The following CEP350 variants were observed in gnomAD, a reference collection of about 807,000 sequenced individuals.
The protein encoded by CEP350 is centrosomal protein 350.
A neutral mutation model predicts 331.8 loss-of-function variants in CEP350; 126 were observed. The ratio of observed to expected loss-of-function variants is 0.38; its 90% confidence interval spans 0.33 to 0.44. CEP350 has a LOEUF of 0.44. CEP350 is among the 20% of genes least tolerant of loss of function. The pLI is 1.00. For synonymous variants in CEP350, 1,200 were observed against 1,259.5 expected (o/e 0.95, Z 1.00); for missense variants, 3,406 against 3,634.6 (o/e 0.94, Z 1.62).
intron 4 of CEP350, 71 bp from the exon 5 acceptor site, chr1:179,991,991 A>T: frequency 7.1e-6 from 10 of 1,402,318 alleles, no homozygotes; most frequent in Non-Finnish European, 9.3e-6. Flanking sequence ...TTTTTTTTTT[A>T]AGATACCAGC....
Position 179,996,579 on chromosome 1 carries a change from TCAGTTC to T in CEP350, c.426_431del (p.Ser143_Ser144del). On this transcript the variant is annotated inframe_deletion, in exon 6 of 38. Coordinates refer to ENST00000367607, the MANE Select transcript of CEP350 (RefSeq NM_014810.5). ...GAAATCCATGGTGCACCTTCCAATT[TCAGTTC>T]CAGCCATCTGGAATCAAAGCACGTA... 6.4e-7 allele frequency: 1 copy of T among 1,573,842 alleles called. No homozygotes were observed. The highest frequency in any genetic ancestry group is 8.6e-7 in the Non-Finnish European group (1 of 1,157,976).
chr1:179,992,829 C>T (rs1653191141), intron 5 of CEP350, among the ~76,000 whole-genome samples: 1 of 152,108 alleles, frequency 6.6e-6, no homozygotes, highest in Non-Finnish European at 1.5e-5. Flanking sequence ...ATTTGAGGGA[C>T]ACTTTACTAA....
chr1:180,093,001 C>T lies in CEP350; in HGVS notation c.6896C>T (p.Ser2299Leu), dbSNP rs769795914. Residue 2299 changes from serine to leucine, a missense_variant, in exon 34 of 38, where the codon TCA becomes TTA. Physicochemically the swap from Ser to Leu is moderately radical, Grantham distance 145. Around this residue, in one of 5 missense-constraint regions of CEP350, gnomAD observed 1,415 missense variants for 1,512.3 expected, o/e 0.94. Coordinates refer to ENST00000367607, the MANE Select transcript of CEP350 (RefSeq NM_014810.5). ...CAGGGAGATTCATCTGAAATTCTTT[C>T]AAAGAAAGATCTTCCTTTAGATTCT... ...LEQGDSSEILSKKDLPLDSEN... is the reference protein window; with the variant it reads ...LEQGDSSEILLKKDLPLDSEN... 1.4e-5 allele frequency: 22 copies of T among 1,603,458 alleles called. No individual in the cohort carries two copies. Among genetic ancestry groups the T allele is most frequent in the Non-Finnish European group, 1.8e-5 (21 of 1,174,202 alleles).
At position 180,053,882 on chromosome 1, in the gene CEP350, G is replaced by A. The variant is rs1413364526; in HGVS notation, c.5122G>A (p.Ala1708Thr). ...TTCACTCCTGCGTCTCCGTGAAAAG[G>A]CCTTGAAGGAGAAGACTAAGGCTGA... ...QSSLLRLREK[A>T]LKEKTKAELA... Residue 1708 changes from alanine (A) to threonine (T), a missense_variant, in exon 24 of 38, where the codon GCC becomes ACC. Ala to Thr is a moderately conservative substitution (Grantham distance 58). This residue lies in a region of CEP350 where 104 missense variants were observed against 143.3 expected (regional missense o/e 0.73). Transcript: ENST00000367607. 1.2e-6 allele frequency: 2 copies of A among 1,610,968 alleles called. No individual in the cohort carries two copies. The highest frequency in any genetic ancestry group is 1.1e-5 in the South Asian group (1 of 90,552).
At position 180,093,786 on chromosome 1, in the gene CEP350, C is replaced by G. The variant is rs763620220; in HGVS notation, c.7681C>G (p.Gln2561Glu). 3 of 1,613,602 alleles carry G rather than the reference C, an allele frequency of 1.9e-6. No homozygotes were observed. The highest frequency in any genetic ancestry group is 4.5e-5 in the East Asian group (2 of 44,890). The change falls in exon 34 of 38, where the codon CAA (glutamine) becomes GAA (glutamate). Residue 2561 changes from glutamine to glutamate, a missense_variant. Gln to Glu is a conservative substitution (Grantham distance 29). Around this residue, in one of 5 missense-constraint regions of CEP350, gnomAD observed 1,415 missense variants for 1,512.3 expected, o/e 0.94. Coordinates refer to ENST00000367607, the MANE Select transcript of CEP350 (RefSeq NM_014810.5). Reference sequence around the variant, plus strand: ...AAAGCATGGTATTTTTGCTCCTCCTCAAAAAATATCTCACATTCCAGAAAA... The same window carrying G: ...AAAGCATGGTATTTTTGCTCCTCCTGAAAAAATATCTCACATTCCAGAAAA... The part of the protein sequence containing the change: ...KEKHGIFAPP[Q>E]KISHIPENFD...
chr1:179,961,446 AAAAAT>A (rs549381937), intron 1 of CEP350, among the ~76,000 whole-genome samples: 66 of 152,184 alleles, frequency 4.3e-4, no homozygotes, highest in Middle Eastern at 3.2e-3. Context: ...ACTGTGTCTC[AAAAAT>A]AAAATAAAAT....
intron 7 of CEP350, among the ~76,000 whole-genome samples, chr1:180,004,875 CT>C (rs879633347): frequency 0.17 from 16,182 of 92,476 alleles, 997 homozygotes; most frequent in South Asian, 0.23. Flanking sequence ...GGCTGGCTGG[CT>C]TGCTTGCTTG....
chr1:180,105,958 A>G (rs942162212), intron 37 of CEP350, among the ~76,000 whole-genome samples: 1 of 152,246 alleles, frequency 6.6e-6, no homozygotes, highest in African/African-American at 2.4e-5. Context: ...TCTGTTAGCC[A>G]AATGAGAAAT....
chr1:180,077,485 G>A (rs572964693), intron 28 of CEP350, among the ~76,000 whole-genome samples: 1 of 151,822 alleles, frequency 6.6e-6, no homozygotes, highest in East Asian at 1.9e-4. Context: ...ACAAGCCTGG[G>A]CAACATGACC....
intron 30 of CEP350, among the ~76,000 whole-genome samples, chr1:180,082,273 T>A (rs1449155640): frequency 6.6e-6 from 1 of 152,226 alleles, no homozygotes; most frequent in Non-Finnish European, 1.5e-5. Context: ...AACTACAGAT[T>A]CACTACCTAT....
chr1:180,064,431 G>A (rs1053391508), intron 26 of CEP350, among the ~76,000 whole-genome samples: 1 of 151,884 alleles, frequency 6.6e-6, no homozygotes, highest in Non-Finnish European at 1.5e-5. Context: ...GAAGCTCAAG[G>A]GCTCTACTTT....
chr1:180,072,499 G>T (rs1658956168), intron 27 of CEP350, among the ~76,000 whole-genome samples: 2 of 152,076 alleles, frequency 1.3e-5, no homozygotes, highest in South Asian at 2.1e-4. Context: ...ATAATATTTT[G>T]ATAATTGGCA....
chr1:180,077,335 C>T (rs1659288108), intron 28 of CEP350, among the ~76,000 whole-genome samples: 1 of 151,522 alleles, frequency 6.6e-6, no homozygotes, highest in Non-Finnish European at 1.5e-5. Flanking sequence ...AAAAAGTGTA[C>T]AAGATCTTTA....
intron 36 of CEP350, among the ~76,000 whole-genome samples, chr1:180,096,872 T>C (rs1204723783): frequency 2.6e-5 from 4 of 152,212 alleles, no homozygotes; most frequent in Non-Finnish European, 5.9e-5. Flanking sequence ...TTAATGTGCA[T>C]GTGAATGATC....
chr1:179,990,572 G>T lies in CEP350; in HGVS notation c.186G>T (p.Met62Ile), dbSNP rs552053057. ...PTSTAVCDSV[M>I]DTKKSSTSAT... ...GTACAGCTGTGTGTGATTCTGTCATGGATACCAAGAAGTCTTCTACAAGTG... is the reference window on the plus strand; with the variant it reads ...GTACAGCTGTGTGTGATTCTGTCATTGATACCAAGAAGTCTTCTACAAGTG... Residue 62 changes from methionine (M) to isoleucine (I), a missense_variant, in exon 4 of 38, where the codon ATG (methionine) becomes ATT (isoleucine). By Grantham distance (10) the Met-to-Ile change is conservative (BLOSUM62 1). Around this residue, in one of 5 missense-constraint regions of CEP350, gnomAD observed 1,857 missense variants for 1,909.2 expected, o/e 0.97. Coordinates refer to ENST00000367607, the MANE Select transcript of CEP350 (RefSeq NM_014810.5). 37 of 1,605,544 alleles carry T rather than the reference G, an allele frequency of 2.3e-5. No homozygotes were observed. In the East Asian group the frequency reaches 6.3e-4, roughly 27 times the overall value.
intron 16 of CEP350, 48 bp from the exon 17 acceptor site, chr1:180,036,878 T>A: frequency 1.4e-6 from 2 of 1,442,722 alleles, no homozygotes; most frequent in Non-Finnish European, 1.8e-6. Context: ...GAAATCTGAG[T>A]GTAATTTCAT....
Position 180,093,978 on chromosome 1 carries a change from G to T in CEP350, c.7873G>T (p.Ala2625Ser), listed in dbSNP as rs1251890827. Reference protein sequence around the residue: ...KSLPSVNDIEASVNRSRSLKI... With the variant: ...KSLPSVNDIESSVNRSRSLKI... Reference sequence around the variant, plus strand: ...CCTACCTAGTGTGAATGATATAGAAGCCTCAGTTAATAGAAGTAGAAGCCT... The same window carrying T: ...CCTACCTAGTGTGAATGATATAGAATCCTCAGTTAATAGAAGTAGAAGCCT... Residue 2625 changes from alanine (A) to serine (S), a missense_variant, in exon 34 of 38, where the codon GCC (alanine) becomes TCC (serine). Around this residue, in one of 5 missense-constraint regions of CEP350, gnomAD observed 1,415 missense variants for 1,512.3 expected, o/e 0.94. Coordinates refer to ENST00000367607, the MANE Select transcript of CEP350 (RefSeq NM_014810.5). 2.5e-6 allele frequency: 4 copies of T among 1,613,814 alleles called. No homozygotes were observed. Among genetic ancestry groups the T allele is most frequent in the Non-Finnish European group, 3.4e-6 (4 of 1,179,810 alleles).
At chr1:180,085,375 T>G (rs1442793249) in intron 31 of CEP350, among the ~76,000 whole-genome samples, 1 of 152,180 alleles carries the variant, frequency 6.6e-6, no homozygotes, top group Non-Finnish European at 1.5e-5. Context: ...ATAAAGTTTC[T>G]TGTTTGTCCC....
At chr1:179,967,105 A>G (rs992300869) in intron 1 of CEP350, among the ~76,000 whole-genome samples, 1 of 152,224 alleles carries the variant, frequency 6.6e-6, no homozygotes, top group Non-Finnish European at 1.5e-5. Context: ...ACTTTATACA[A>G]TAGATCATCT....
Sources: allele counts gnomAD v4.1 joint callset (sites outside exome capture counted in the v4.1 genomes callset), GRCh38; gene constraint gnomAD v4.1.1; regional missense constraint gnomAD v4.1.1; transcripts MANE v1.5; gene names NCBI Gene and HGNC (gene_info 2026-07-23, HGNC 2026-07-21).